PXDNL: variants seen among roughly 807,000 people sequenced by gnomAD.
The protein encoded by PXDNL is peroxidasin like.
Under a neutral mutation model 150.8 loss-of-function variants are expected in PXDNL, and 145 were observed. The ratio of observed to expected loss-of-function variants is 0.96; its 90% CI spans 0.84 to 1.10. The LOEUF is 1.10. Ranked by LOEUF, PXDNL falls within the 50% of genes least tolerant of loss-of-function variation. The pLI is 0.00. For missense variants in PXDNL, 2,087 were observed against 1,873.9 expected, an observed-to-expected ratio of 1.11 and a Z score of -2.10; for synonymous variants, 757 against 725.7, an observed-to-expected ratio of 1.04 and a Z score of -0.69.
chr8:51,599,865 G>A (rs958611410), intron 2 of PXDNL, among the ~76,000 whole-genome samples: 24 of 109,714 alleles, frequency 2.2e-4, no homozygotes, highest in African/African-American at 5.0e-4. Context: ...AAATGACATC[G>A]TTTAGATAAT....
intron 21 of PXDNL, among the ~76,000 whole-genome samples, chr8:51,321,997 C>T (rs1312995820): frequency 6.6e-6 from 1 of 151,990 alleles, no homozygotes; most frequent in Non-Finnish European, 1.5e-5. Context: ...GGGGCTCTAA[C>T]CCAATAACAT....
chr8:51,553,207 A>T (rs1167790705), intron 4 of PXDNL, among the ~76,000 whole-genome samples: 3 of 152,124 alleles, frequency 2.0e-5, no homozygotes, highest in African/African-American at 7.2e-5. Flanking sequence ...AGCACACCCA[A>T]AGCTCTCGTG....
intron 12 of PXDNL, among the ~76,000 whole-genome samples, chr8:51,441,257 C>T (rs1421374191): frequency 4.6e-5 from 7 of 152,178 alleles, no homozygotes; most frequent in Non-Finnish European, 1.0e-4. Context: ...CCATACAGAA[C>T]TGTGAGCCAA....
At chr8:51,586,243 A>T (rs191126516) in intron 3 of PXDNL, among the ~76,000 whole-genome samples, 4 of 152,204 alleles carry the variant, frequency 2.6e-5, no homozygotes, top group African/African-American at 9.6e-5. Flanking sequence ...AACAAGCACA[A>T]TCTAGCTGGC....
At chr8:51,425,302 G>A (rs565796905) in intron 13 of PXDNL, among the ~76,000 whole-genome samples, 2 of 152,228 alleles carry the variant, frequency 1.3e-5, no homozygotes, top group Admixed American at 1.3e-4. Context: ...AAGAGTAAAT[G>A]TGATAGTGTG....
At chr8:51,592,982 C>T (rs6473629) in intron 2 of PXDNL, among the ~76,000 whole-genome samples, 72,010 of 151,982 alleles carry the variant, frequency 0.47, 21,378 homozygotes, top group African/African-American at 0.84. Context: ...CTGAAGCATA[C>T]CATCTAAAAA....
chr8:51,350,692 C>T (rs549949171), intron 19 of PXDNL, among the ~76,000 whole-genome samples: 3 of 152,034 alleles, frequency 2.0e-5, no homozygotes, highest in Admixed American at 1.3e-4. Context: ...CCATGACACC[C>T]GCACACGTGG....
At chr8:51,754,087 A>G (rs930499516) in intron 1 of PXDNL, among the ~76,000 whole-genome samples, 6 of 152,224 alleles carry the variant, frequency 3.9e-5, no homozygotes, top group African/African-American at 1.4e-4. Flanking sequence ...TCAGTCTCAG[A>G]AAATGTACAG....
At chr8:51,748,456 G>T (rs1290633048) in intron 1 of PXDNL, among the ~76,000 whole-genome samples, 5 of 152,138 alleles carry the variant, frequency 3.3e-5, no homozygotes, top group Non-Finnish European at 7.3e-5. Context: ...CTGCATTGTG[G>T]GTGGGCAGAA....
chr8:51,761,958 T>TTAGGG (rs1491321161), intron 1 of PXDNL, among the ~76,000 whole-genome samples: 11 of 152,180 alleles, frequency 7.2e-5, no homozygotes, highest in African/African-American at 2.4e-4. Flanking sequence ...ATACAGAATC[T>TTAGGG]TAGAGTGTAG....
intron 1 of PXDNL, among the ~76,000 whole-genome samples, chr8:51,781,983 A>T (rs141576004): frequency 1.6e-4 from 24 of 152,242 alleles, no homozygotes; most frequent in African/African-American, 4.6e-4. Context: ...TCCTCACCAC[A>T]TGTGTTCAAA....
chr8:51,608,080 A>G (rs1376186302), intron 2 of PXDNL, among the ~76,000 whole-genome samples: 1 of 147,166 alleles, frequency 6.8e-6, no homozygotes, highest in Non-Finnish European at 1.5e-5. Context: ...CAAGCAAGCA[A>G]GCAAGCAAGC....
At chr8:51,353,898 T>C (rs905770314) in intron 19 of PXDNL, among the ~76,000 whole-genome samples, 1 of 152,184 alleles carries the variant, frequency 6.6e-6, no homozygotes, top group African/African-American at 2.4e-5. Flanking sequence ...CTTTGATGTA[T>C]GCTTTTATAT....
intron 1 of PXDNL, among the ~76,000 whole-genome samples, chr8:51,723,039 G>A (rs978348266): frequency 6.6e-6 from 1 of 151,652 alleles, no homozygotes; most frequent in African/African-American, 2.4e-5. Flanking sequence ...ATGCAAAATG[G>A]CCTCAAGAAT....
At chr8:51,423,999 A>G (rs1328540546) in intron 13 of PXDNL, among the ~76,000 whole-genome samples, 1 of 152,192 alleles carries the variant, frequency 6.6e-6, no homozygotes, top group East Asian at 1.9e-4. Flanking sequence ...TAATAATTTT[A>G]AAATTATCAC....
chr8:51,510,928 C>T (rs1218857295), intron 4 of PXDNL, among the ~76,000 whole-genome samples: 1 of 152,092 alleles, frequency 6.6e-6, no homozygotes, highest in African/African-American at 2.4e-5. Flanking sequence ...GTTGTCAGTG[C>T]TGCAATTTAG....
At chr8:51,498,711 G>C (rs536085179) in intron 5 of PXDNL, among the ~76,000 whole-genome samples, 7 of 152,092 alleles carry the variant, frequency 4.6e-5, no homozygotes, top group African/African-American at 1.7e-4. Context: ...CCAGGCCTAC[G>C]GAGGCTCCTC....
chr8:51,441,146 T>A (rs1334615420), intron 12 of PXDNL, among the ~76,000 whole-genome samples: 3 of 152,190 alleles, frequency 2.0e-5, no homozygotes, highest in Non-Finnish European at 4.4e-5. Flanking sequence ...CTGATGGTTT[T>A]ATAAGGGGCT....
chr8:51,324,132 A>T (rs75683317), intron 21 of PXDNL, among the ~76,000 whole-genome samples: 1,622 of 152,260 alleles, frequency 0.011, 19 homozygotes, highest in African/African-American at 0.036. Context: ...TCTTGGGTTT[A>T]TGTTGTATCC....
Sources: allele counts gnomAD v4.1 joint callset (sites outside exome capture counted in the v4.1 genomes callset), GRCh38; gene constraint gnomAD v4.1.1; transcripts MANE v1.5; gene names NCBI Gene and HGNC (gene_info 2026-07-23, HGNC 2026-07-21).